The following RANBP2 variants were observed in gnomAD, a reference collection of about 807,000 sequenced individuals.
The protein encoded by RANBP2 is RAN binding protein 2, also known as E3 SUMO-protein ligase RanBP2.
Under a neutral mutation model 303.6 loss-of-function variants are expected in RANBP2, and 57 were observed. That is an observed-to-expected ratio of 0.19 (90% CI 0.15 to 0.23). The LOEUF (loss-of-function observed/expected upper bound fraction) is 0.23, where lower values mean the gene tolerates loss of function less well. RANBP2 is among the 10% of genes least tolerant of loss of function. RANBP2 has a pLI of 1.00. For missense variants in RANBP2, 3,138 were observed against 3,780.8 expected, an observed-to-expected ratio of 0.83 and a Z score of 4.46; for synonymous variants, 1,167 against 1,301.5, an observed-to-expected ratio of 0.90 and a Z score of 2.23.
At chr2:109,166,014 A>G in the RANBP2 span, among the ~76,000 whole-genome samples, 1 of 151,780 alleles carries the variant, frequency 6.6e-6, no homozygotes, top group Admixed American at 6.6e-5. Context: ...CTTTTCCCCC[A>G]GTTTGCTGCT....
chr2:109,362,185 A>G, the RANBP2 span, among the ~76,000 whole-genome samples: 6 of 152,044 alleles, frequency 3.9e-5, no homozygotes, highest in Non-Finnish European at 7.4e-5. Flanking sequence ...CTTCTTTTCT[A>G]ATCGATGCAT....
the RANBP2 span, among the ~76,000 whole-genome samples, chr2:109,189,198 C>A: frequency 6.6e-6 from 1 of 151,802 alleles, no homozygotes; most frequent in Non-Finnish European, 1.5e-5. Context: ...GCTTCTGATA[C>A]CCCCGAGATA....
At chr2:109,743,388 A>G in the RANBP2 span, among the ~76,000 whole-genome samples, 2 of 148,388 alleles carry the variant, frequency 1.3e-5, no homozygotes, top group Non-Finnish European at 3.0e-5. Context: ...ATAACATAGA[A>G]GAAAATCTAG....
the RANBP2 span, among the ~76,000 whole-genome samples, chr2:109,695,825 G>T: frequency 6.6e-6 from 1 of 152,066 alleles, no homozygotes; most frequent in Non-Finnish European, 1.5e-5. Context: ...GGTAGAATTT[G>T]CCAAAAAGGT....
At position 108,764,700 on chromosome 2, in the gene RANBP2, C is replaced by T. The variant is rs1474575032; in HGVS notation, c.4161C>T (p.Gly1387=). ...NLNPSNKELV[G]PPLAETVFTP... is the part of the protein sequence containing the mutation. ...ACCCAAGCAATAAAGAGCTCGTTGG[C>T]CCACCATTAGCTGAAACTGTTTTTA... The change falls in exon 20 of 29, where the codon GGC becomes GGT. Residue 1387 remains glycine, a synonymous_variant. Coordinates refer to ENST00000283195, the MANE Select transcript of RANBP2 (RefSeq NM_006267.5). The T allele has an allele frequency of 1.5e-5, 25 of 1,613,844 alleles. No individual in the cohort carries two copies. The highest frequency in any genetic ancestry group is 2.0e-5 in the Non-Finnish European group (24 of 1,179,964).
the RANBP2 span, among the ~76,000 whole-genome samples, chr2:109,405,175 C>G: frequency 1.3e-5 from 2 of 152,164 alleles, no homozygotes; most frequent in Non-Finnish European, 2.9e-5. Flanking sequence ...TCTTCTCCAA[C>G]TACCTGCTGG....
chr2:109,630,755 G>A, the RANBP2 span, among the ~76,000 whole-genome samples: 2 of 152,188 alleles, frequency 1.3e-5, no homozygotes, highest in Non-Finnish European at 2.9e-5. Context: ...GGGATGGATA[G>A]TATGAGTATA....
chr2:108,927,659 G>A, the RANBP2 span, among the ~76,000 whole-genome samples: 8 of 151,884 alleles, frequency 5.3e-5, no homozygotes, highest in Non-Finnish European at 1.0e-4. Flanking sequence ...CTACTACAGC[G>A]GCCCCCAGCA....
the RANBP2 span, among the ~76,000 whole-genome samples, chr2:109,065,310 T>A: frequency 6.6e-6 from 1 of 152,220 alleles, no homozygotes; most frequent in Non-Finnish European, 1.5e-5. Context: ...TTTTGCTTGC[T>A]TGCTGTAAAT....
the RANBP2 span, among the ~76,000 whole-genome samples, chr2:109,230,468 T>G: frequency 2.0e-5 from 3 of 152,106 alleles, no homozygotes; most frequent in Non-Finnish European, 4.4e-5. Context: ...TTATCCCAGT[T>G]ACTCGGGGGG....
chr2:109,273,591 T>G, the RANBP2 span, among the ~76,000 whole-genome samples: 1 of 152,172 alleles, frequency 6.6e-6, no homozygotes, highest in East Asian at 1.9e-4. Context: ...TGGGGAGTTT[T>G]GTGGTGGGAC....
chr2:109,659,365 CAT>C, the RANBP2 span, among the ~76,000 whole-genome samples: 4 of 152,030 alleles, frequency 2.6e-5, no homozygotes, highest in African/African-American at 4.8e-5. Flanking sequence ...ACAGAGATTT[CAT>C]CCCCCCCAAA....
intron 7 of RANBP2, among the ~76,000 whole-genome samples, chr2:108,744,913 T>A (rs1241406758): frequency 6.6e-6 from 1 of 152,222 alleles, no homozygotes; most frequent in African/African-American, 2.4e-5. Flanking sequence ...ATATCTCCTG[T>A]CTTTAAAAGA....
At chr2:109,069,247 G>A in the RANBP2 span, among the ~76,000 whole-genome samples, 2 of 152,234 alleles carry the variant, frequency 1.3e-5, no homozygotes, top group African/African-American at 2.4e-5. Flanking sequence ...AATCAAGAGA[G>A]TAGACTTCTA....
intron 15 of RANBP2, 24 bp from the exon 16 acceptor site, chr2:108,754,881 T>G: frequency 6.2e-6 from 10 of 1,611,280 alleles, no homozygotes; most frequent in Non-Finnish European, 8.5e-6. Context: ...ATGAAAGCCC[T>G]TAATTAATGT....
At chr2:108,829,640 G>A in the RANBP2 span, among the ~76,000 whole-genome samples, 1 of 152,186 alleles carries the variant, frequency 6.6e-6, no homozygotes, top group Non-Finnish European at 1.5e-5. Context: ...CAGCTACTTG[G>A]GAGGCTGAGG....
downstream of RANBP2, among the ~76,000 whole-genome samples, chr2:108,789,943 A>G (rs1558960449): frequency 6.6e-6 from 1 of 152,244 alleles, no homozygotes; most frequent in Non-Finnish European, 1.5e-5. Flanking sequence ...TGAAATAAAG[A>G]TGTATCCATA....
At chr2:109,699,812 G>A in the RANBP2 span, among the ~76,000 whole-genome samples, 55 of 152,156 alleles carry the variant, frequency 3.6e-4, no homozygotes, top group Admixed American at 2.6e-3. Context: ...GTGAGACCTC[G>A]GTTGGGGACC....
chr2:109,274,034 A>C, the RANBP2 span, among the ~76,000 whole-genome samples: 1 of 152,184 alleles, frequency 6.6e-6, no homozygotes, highest in Non-Finnish European at 1.5e-5. Context: ...TGCCAGTAAT[A>C]TTACCTCCTA....
Sources: gnomAD v4.1 joint callset for allele counts (sites outside exome capture counted in the v4.1 genomes callset) on GRCh38, gnomAD v4.1.1 for gene constraint, MANE v1.5 for transcripts, NCBI Gene and HGNC (gene_info 2026-07-23, HGNC 2026-07-21) for gene names.